The following TRAF2 variants were observed in gnomAD, a reference collection of about 807,000 sequenced individuals.
TRAF2 encodes TNF receptor-associated factor 2.
Under a neutral mutation model 55.6 loss-of-function variants are expected in TRAF2, and 6 were observed. The observed-to-expected ratio is 0.11, with a 90% CI of 0.06 to 0.21. The LOEUF is 0.21. Among genes scored for constraint, TRAF2 ranks in the 10% least tolerant of loss-of-function variants. The pLI is 1.00. For missense variants in TRAF2, 561 were observed against 684.5 expected (o/e 0.82, Z 2.01); for synonymous variants, 329 against 276.3 (o/e 1.19, Z -1.89).
At chr9:136,920,650 C>T in intron 8 of TRAF2, 135 bp downstream of exon 8, 1 of 1,246,734 alleles carries the variant, frequency 8.0e-7, no homozygotes, top group Non-Finnish European at 1.1e-6. Context: ...AACCCCAGTC[C>T]AGTGTGGTTT....
At chr9:136,886,376 A>ATAC, upstream of TRAF2, 1 of 984,188 alleles carries the variant, frequency 1.0e-6, no homozygotes, top group Non-Finnish European at 1.2e-6. Context: ...GCGCGCTCGG[A>ATAC]GCGGGGCGTA....
In TRAF2 at chr9:136,909,991, G is replaced by GA. The variant is rs1850064459; in HGVS notation, c.602dup (p.Phe202ValfsTer29). ...GCGGCAAGAAGAAGATCCCCCGGGA[G>GA]AAGGTGAGTGTCCTTCACCTCCTTG... On this transcript the variant is annotated frameshift_variant, in exon 6 of 11. Coordinates refer to ENST00000247668, the MANE Select transcript of TRAF2 (RefSeq NM_021138.4). LOFTEE classifies it high-confidence loss of function. The GA allele has an allele frequency of 6.2e-7, 1 of 1,613,686 alleles. No homozygotes were observed. Among genetic ancestry groups the GA allele is most frequent in the Admixed American group, 1.7e-5 (1 of 59,966 alleles).
chr9:136,912,404 C>T (rs1036488036), intron 6 of TRAF2, among the ~76,000 whole-genome samples: 8 of 147,386 alleles, frequency 5.4e-5, no homozygotes, highest in African/African-American at 2.0e-4. Flanking sequence ...TGGTGGTCCA[C>T]CCATCTCGGC....
intron 1 of TRAF2, among the ~76,000 whole-genome samples, chr9:136,892,724 A>T (rs1416634888): frequency 6.6e-6 from 1 of 151,708 alleles, no homozygotes; most frequent in African/African-American, 2.4e-5. Flanking sequence ...TACTAAAAAT[A>T]CAAAAATTAG....
chr9:136,909,191 G>A (rs1328473468), intron 5 of TRAF2, among the ~76,000 whole-genome samples: 1 of 66,962 alleles, frequency 1.5e-5, no homozygotes, highest in African/African-American at 6.7e-5. Flanking sequence ...TCTCAAGACA[G>A]TTGCTCAAGT....
intron 9 of TRAF2, among the ~76,000 whole-genome samples, chr9:136,921,511 C>T (rs17250574): frequency 0.036 from 5,541 of 152,160 alleles, 112 homozygotes; most frequent in Middle Eastern, 0.051. Context: ...GGCACACAGC[C>T]CTAAAGCAGA....
At position 136,919,680 on chromosome 9, in the gene TRAF2, T is replaced by TTTTTCCCTTCGTCCCG. The variant is rs72444081; in HGVS notation, c.679-553_679-552insTTTCCCTTCGTCCCGT. ...CCTCCCCCTCCTTCTTTCCCTCCCC[T>TTTTTCCCTTCGTCCCG]TCTTCCCTTCATCCCTTCATCTCGT... On this transcript the variant is annotated intron_variant, in intron 7 of 10. Coordinates refer to ENST00000247668, the MANE Select transcript of TRAF2 (RefSeq NM_021138.4). Among the ~76,000 whole-genome samples, 216 of 148,724 alleles carry TTTTTCCCTTCGTCCCG rather than the reference T, an allele frequency of 1.5e-3. 2 individuals are homozygous for TTTTTCCCTTCGTCCCG. Among genetic ancestry groups the TTTTTCCCTTCGTCCCG allele is most frequent in the African/African-American group, 5.1e-3 (203 of 40,154 alleles).
intron 2 of TRAF2, among the ~76,000 whole-genome samples, chr9:136,899,270 T>C (rs1338604663): frequency 1.3e-5 from 2 of 152,204 alleles, no homozygotes; most frequent in Non-Finnish European, 2.9e-5. Flanking sequence ...CCGCCTTCCT[T>C]GCAGCGAGTG....
At chr9:136,882,726 C>T (rs1278879244), upstream of TRAF2, 1 of 985,552 alleles carries the variant, frequency 1.0e-6, no homozygotes. Context: ...TCACCCCTTT[C>T]CAGCCAGCAA....
intron 2 of TRAF2, 61 bp downstream of exon 2, chr9:136,898,989 G>T: frequency 1.3e-6 from 2 of 1,509,766 alleles, no homozygotes; most frequent in Non-Finnish European, 1.8e-6. Context: ...TTAGAGCCAC[G>T]CTGCCCAGCC....
chr9:136,916,727 C>T (rs1316858242), intron 7 of TRAF2, 112 bp downstream of exon 7: 8 of 1,043,694 alleles, frequency 7.7e-6, no homozygotes, highest in Non-Finnish European at 1.5e-6. Flanking sequence ...GCCACCTCTG[C>T]AGCACTGCCT....
At chr9:136,903,546 TTTTA>T (rs1397563470) in intron 4 of TRAF2, among the ~76,000 whole-genome samples, 3 of 151,766 alleles carry the variant, frequency 2.0e-5, no homozygotes, top group Admixed American at 6.6e-5. Context: ...ATTTTTTTTT[TTTTA>T]AACTGTGTCT....
At chr9:136,896,719 C>G (rs1264670680) in intron 1 of TRAF2, among the ~76,000 whole-genome samples, 1 of 152,108 alleles carries the variant, frequency 6.6e-6, no homozygotes, top group Non-Finnish European at 1.5e-5. Context: ...TGGCTCACTG[C>G]AACCTCAGCC....
intron 4 of TRAF2, among the ~76,000 whole-genome samples, chr9:136,905,720 G>T (rs1450159523): frequency 6.6e-6 from 1 of 152,174 alleles, no homozygotes; most frequent in Non-Finnish European, 1.5e-5. Context: ...ACTCTGGCCA[G>T]GCACAGGGGC....
chr9:136,907,592 C>T (rs1035684683), intron 4 of TRAF2, among the ~76,000 whole-genome samples: 1 of 152,190 alleles, frequency 6.6e-6, no homozygotes, highest in Non-Finnish European at 1.5e-5. Context: ...ATCTCCCGTG[C>T]GTGTTCCCTA....
chr9:136,923,730 C>A, intron 9 of TRAF2, 122 bp from the exon 10 acceptor site: 3 of 1,041,110 alleles, frequency 2.9e-6, no homozygotes, highest in Non-Finnish European at 2.7e-6. Flanking sequence ...TTCTTTGCAC[C>A]CCAGAACCTG....
chr9:136,915,008 C>A (rs549951739), intron 6 of TRAF2, among the ~76,000 whole-genome samples: 6 of 151,958 alleles, frequency 3.9e-5, no homozygotes, highest in Non-Finnish European at 8.8e-5. Flanking sequence ...GCAGAAACCC[C>A]GTCTCTACTA....
intron 1 of TRAF2, among the ~76,000 whole-genome samples, chr9:136,890,756 C>T (rs376141509): frequency 6.6e-6 from 1 of 152,202 alleles, no homozygotes; most frequent in Non-Finnish European, 1.5e-5. Flanking sequence ...TCAGTGGGAC[C>T]TCAGGGTCCC....
intron 10 of TRAF2, among the ~76,000 whole-genome samples, chr9:136,925,021 G>A (rs1346190917): frequency 2.0e-5 from 3 of 152,270 alleles, no homozygotes; most frequent in East Asian, 3.8e-4. Flanking sequence ...GTAGGCGTGA[G>A]CCACTGTGCC....
Sources: gnomAD v4.1 joint callset for allele counts (sites outside exome capture counted in the v4.1 genomes callset) on GRCh38, gnomAD v4.1.1 for gene constraint, MANE v1.5 for transcripts, NCBI Gene and HGNC (gene_info 2026-07-23, HGNC 2026-07-21) for gene names.